ASIP: variants seen among roughly 807,000 people sequenced by gnomAD.
ASIP encodes agouti-signaling protein.
ASIP carries 11 observed loss-of-function variants against 10.3 expected under a neutral mutation model. The observed-to-expected ratio is 1.07, with a 90% CI of 0.68 to 1.78. The LOEUF (loss-of-function observed/expected upper bound fraction) is 1.78. Ranked by LOEUF, ASIP falls within the 40% of genes most tolerant of loss-of-function variation. The pLI is 0.00. For missense variants in ASIP, 180 were observed against 169.2 expected (o/e 1.06, Z -0.35); for synonymous variants, 70 against 70.8 (o/e 0.99, Z 0.06).
Position 34,199,229 on chromosome 20 carries a change from T to C in ASIP, c.-11+4469T>C, listed in dbSNP as rs965259286. 4.6e-5 allele frequency among the ~76,000 whole-genome samples: 7 copies of C among 152,208 alleles called. 1 individual carries two copies. In the South Asian group the frequency reaches 6.2e-4, roughly 14 times the overall value. ...CACAGTTTATTTATCCATTGTCTTA[T>C]TGATGGACACATGGAGTGTTTGCAG... On this transcript the variant is annotated intron_variant, in intron 1 of 3. Transcript: ENST00000568305.
chr20:34,202,848 GCC>G (rs1295871312), intron 1 of ASIP, among the ~76,000 whole-genome samples: 40 of 106,852 alleles, frequency 3.7e-4, no homozygotes, highest in African/African-American at 1.4e-3. Context: ...TTGCTCTGTT[GCC>G]CAGGCTGGAG....
intron 1 of ASIP, among the ~76,000 whole-genome samples, chr20:34,225,185 G>A (rs1383946830): frequency 6.6e-6 from 1 of 150,458 alleles, no homozygotes; most frequent in Non-Finnish European, 1.5e-5. Context: ...GGGATTACAG[G>A]TGCGTGCCAC....
intron 1 of ASIP, 52 bp from the exon 2 acceptor site, chr20:34,260,313 C>G: frequency 6.5e-7 from 1 of 1,542,216 alleles, no homozygotes; most frequent in Non-Finnish European, 8.8e-7. Context: ...AGGAAGGCCT[C>G]TTACCATTAC....
chr20:34,212,964 C>T (rs2122550846), intron 1 of ASIP, among the ~76,000 whole-genome samples: 1 of 152,274 alleles, frequency 6.6e-6, no homozygotes, highest in South Asian at 2.1e-4. Flanking sequence ...GTAGGACTTA[C>T]CAGTCAGCAC....
At chr20:34,253,139 G>T (rs1433307510) in intron 1 of ASIP, among the ~76,000 whole-genome samples, 2 of 148,764 alleles carry the variant, frequency 1.3e-5, no homozygotes, top group African/African-American at 5.0e-5. Context: ...ACGAAGTCTC[G>T]CTCTGTTGCC....
chr20:34,192,419 C>T (rs923959729), upstream of ASIP, among the ~76,000 whole-genome samples: 1 of 152,182 alleles, frequency 6.6e-6, no homozygotes, highest in Non-Finnish European at 1.5e-5. Context: ...TCAAGTGCTC[C>T]TCCTGCCTCA....
intron 1 of ASIP, among the ~76,000 whole-genome samples, chr20:34,225,209 T>G (rs1324991832): frequency 1.3e-5 from 2 of 151,740 alleles, no homozygotes; most frequent in African/African-American, 4.8e-5. Context: ...CCCCGGCTAA[T>G]TTTTGTGTTT....
chr20:34,205,510 A>C (rs1055907722), intron 1 of ASIP, among the ~76,000 whole-genome samples: 3 of 151,542 alleles, frequency 2.0e-5, no homozygotes, highest in Non-Finnish European at 2.9e-5. Context: ...AAGGGTGAGC[A>C]GCAGCAAGAT....
At chr20:34,196,109 A>G (rs2034854228) in intron 1 of ASIP, among the ~76,000 whole-genome samples, 1 of 151,110 alleles carries the variant, frequency 6.6e-6, no homozygotes, top group Non-Finnish European at 1.5e-5. Context: ...AAATAAAAGG[A>G]GCCAAGAGTT....
Position 34,269,236 on chromosome 20 carries a change from C to T in ASIP, c.*69C>T, listed in dbSNP as rs565344627. 23 of 1,422,960 alleles carry T rather than the reference C, an allele frequency of 1.6e-5. No homozygotes were observed. The highest frequency in any genetic ancestry group is 2.6e-4 in the Middle Eastern group (1 of 3,854). 88.1% of individuals were successfully genotyped at this position (1,422,960 alleles called of 1,614,324 possible). A position where few individuals can be genotyped will look rare whatever the true frequency, so the allele number is the denominator to read the frequency against. ...CGGGGCGCTTCTCGGGCGGGTGATC[C>T]CTAACAGGGCGGCTTCCCAGGGCTG... On this transcript the variant is annotated 3_prime_UTR_variant, in exon 4 of 4. Transcript: ENST00000374954.
At chr20:34,221,112 C>T (rs2035044275) in intron 1 of ASIP, among the ~76,000 whole-genome samples, 1 of 152,024 alleles carries the variant, frequency 6.6e-6, no homozygotes, top group Admixed American at 6.6e-5. Context: ...GGCGCGATGG[C>T]TCACGCCTGT....
intron 1 of ASIP, among the ~76,000 whole-genome samples, chr20:34,226,764 T>C (rs900698934): frequency 2.0e-5 from 3 of 152,196 alleles, no homozygotes; most frequent in Non-Finnish European, 2.9e-5. Context: ...TTTTTTTTTA[T>C]GTTTTATAGA....
At chr20:34,197,511 T>C (rs1601567677) in intron 1 of ASIP, among the ~76,000 whole-genome samples, 2 of 152,226 alleles carry the variant, frequency 1.3e-5, no homozygotes, top group Non-Finnish European at 2.9e-5. Context: ...AAAGTATTTA[T>C]GTAAAATTGC....
At chr20:34,248,161 G>A (rs950589100) in intron 1 of ASIP, among the ~76,000 whole-genome samples, 2 of 151,462 alleles carry the variant, frequency 1.3e-5, no homozygotes, top group Non-Finnish European at 1.5e-5. Flanking sequence ...AGCCAAGATC[G>A]CACCACTGCA....
intron 1 of ASIP, among the ~76,000 whole-genome samples, chr20:34,208,889 C>T (rs576156315): frequency 2.0e-5 from 3 of 152,232 alleles, no homozygotes; most frequent in South Asian, 2.1e-4. Flanking sequence ...AATGAGACTG[C>T]TTTGTGTTCT....
At chr20:34,195,299 T>G (rs539230414) in intron 1 of ASIP, among the ~76,000 whole-genome samples, 1 of 152,110 alleles carries the variant, frequency 6.6e-6, no homozygotes, top group African/African-American at 2.4e-5. Context: ...AGGGCGTAAA[T>G]GGAACCAGGC....
chr20:34,258,674 CAT>C (rs772655085), intron 1 of ASIP, among the ~76,000 whole-genome samples: 3 of 12,142 alleles, frequency 2.5e-4, no homozygotes, highest in Non-Finnish European at 2.4e-4. Flanking sequence ...AGGGGGATGC[CAT>C]ATATATATAT....
At chr20:34,191,986 C>T (rs1355060487), upstream of ASIP, among the ~76,000 whole-genome samples, 1 of 152,188 alleles carries the variant, frequency 6.6e-6, no homozygotes, top group African/African-American at 2.4e-5. Context: ...CTGCCTCGGC[C>T]TCCCAGAGTG....
upstream of ASIP, among the ~76,000 whole-genome samples, chr20:34,239,293 C>A (rs943860152): frequency 6.6e-6 from 1 of 151,768 alleles, no homozygotes; most frequent in Admixed American, 6.6e-5. Flanking sequence ...CTTGGCTCAC[C>A]GCAACCTCTG....
Sources: allele counts gnomAD v4.1 joint callset (sites outside exome capture counted in the v4.1 genomes callset), GRCh38; gene constraint gnomAD v4.1.1; transcripts MANE v1.5; gene names NCBI Gene and HGNC (gene_info 2026-07-23, HGNC 2026-07-21).